Variants in EXOC4 observed in about 807,000 individuals in gnomAD.
EXOC4 encodes the protein SEC8-like 1.
EXOC4 carries 71 observed loss-of-function variants against 107.2 expected under a neutral mutation model. The observed-to-expected ratio is 0.66, with a 90% confidence interval of 0.55 to 0.81. The LOEUF is 0.81. Among genes scored for constraint, EXOC4 ranks in the 30% least tolerant of loss-of-function variants. The probability of loss-of-function intolerance (pLI) is 0.00; values close to 1 mark genes in which losing one functional copy is unlikely to be tolerated. For missense variants in EXOC4, 1,108 were observed against 1,189.6 expected (o/e 0.93, Z 1.01); for synonymous variants, 456 against 441.2 (o/e 1.03, Z -0.42).
chr7:133,964,011 CTT>C (rs888314087), intron 14 of EXOC4, among the ~76,000 whole-genome samples: 1 of 152,104 alleles, frequency 6.6e-6, no homozygotes, highest in Admixed American at 6.5e-5. Flanking sequence ...AGGGACTTGT[CTT>C]ATATATTTTA....
At chr7:133,551,171 A>G (rs1318874946) in intron 9 of EXOC4, among the ~76,000 whole-genome samples, 1 of 152,152 alleles carries the variant, frequency 6.6e-6, no homozygotes, top group East Asian at 1.9e-4. Flanking sequence ...TTACCCAATC[A>G]GAATGATGGC....
intron 10 of EXOC4, among the ~76,000 whole-genome samples, chr7:133,734,678 G>A (rs1184411526): frequency 6.6e-6 from 1 of 151,958 alleles, no homozygotes; most frequent in African/African-American, 2.4e-5. Flanking sequence ...GCACTGACAT[G>A]ACATTCAAAG....
At chr7:133,764,552 G>A (rs543163823) in intron 10 of EXOC4, among the ~76,000 whole-genome samples, 1 of 152,114 alleles carries the variant, frequency 6.6e-6, no homozygotes, top group African/African-American at 2.4e-5. Flanking sequence ...TTGGTTTGAG[G>A]CGTTCAGTTC....
At chr7:133,963,953 G>A (rs932766556) in intron 14 of EXOC4, among the ~76,000 whole-genome samples, 1 of 152,162 alleles carries the variant, frequency 6.6e-6, no homozygotes, top group Admixed American at 6.5e-5. Context: ...GAAGAAAGGA[G>A]TAGTTCATCT....
At chr7:133,683,417 A>T (rs181435677) in intron 10 of EXOC4, among the ~76,000 whole-genome samples, 1 of 152,310 alleles carries the variant, frequency 6.6e-6, no homozygotes, top group African/African-American at 2.4e-5. Flanking sequence ...CTTGGGGCTC[A>T]GAATCTAACA....
At chr7:133,415,874 G>A (rs1797464153) in intron 7 of EXOC4, among the ~76,000 whole-genome samples, 1 of 152,102 alleles carries the variant, frequency 6.6e-6, no homozygotes, top group South Asian at 2.1e-4. Flanking sequence ...CATAATACAA[G>A]TTGCAGAAAT....
intron 10 of EXOC4, among the ~76,000 whole-genome samples, chr7:133,742,235 C>A (rs1269111944): frequency 6.6e-6 from 1 of 152,110 alleles, no homozygotes; most frequent in Non-Finnish European, 1.5e-5. Context: ...ACACTAACAC[C>A]ATTTTTAGGG....
chr7:133,390,062 C>G (rs1453650426), intron 7 of EXOC4, among the ~76,000 whole-genome samples: 1 of 152,108 alleles, frequency 6.6e-6, no homozygotes, highest in Non-Finnish European at 1.5e-5. Flanking sequence ...AAGATGAGAT[C>G]TGGGTGGGGA....
intron 7 of EXOC4, among the ~76,000 whole-genome samples, chr7:133,377,782 A>G (rs1306501465): frequency 6.6e-6 from 1 of 152,210 alleles, no homozygotes; most frequent in African/African-American, 2.4e-5. Flanking sequence ...AGAAAGACAC[A>G]TTGCCTACAA....
intron 14 of EXOC4, among the ~76,000 whole-genome samples, chr7:133,942,589 C>G (rs1449357518): frequency 6.6e-6 from 1 of 152,140 alleles, no homozygotes; most frequent in African/African-American, 2.4e-5. Flanking sequence ...AAATTAAGGT[C>G]TCAGGGTGGT....
intron 11 of EXOC4, among the ~76,000 whole-genome samples, chr7:133,855,720 T>C (rs1017063371): frequency 6.6e-6 from 1 of 152,190 alleles, no homozygotes; most frequent in Non-Finnish European, 1.5e-5. Flanking sequence ...CCACGATCCA[T>C]CTGCCAGTCA....
intron 9 of EXOC4, among the ~76,000 whole-genome samples, chr7:133,515,021 C>T (rs1262078600): frequency 6.6e-6 from 1 of 152,038 alleles, no homozygotes; most frequent in African/African-American, 2.4e-5. Flanking sequence ...AACTATTATT[C>T]TTAATATATT....
intron 10 of EXOC4, among the ~76,000 whole-genome samples, chr7:133,792,793 T>A (rs1796732093): frequency 6.6e-6 from 1 of 152,142 alleles, no homozygotes; most frequent in Non-Finnish European, 1.5e-5. Context: ...GAGACAATTT[T>A]AATGTTCTGA....
At position 133,509,094 on chromosome 7, in the gene EXOC4, C is replaced by G. The variant is rs529043865; in HGVS notation, c.1417+28956C>G. Among the ~76,000 whole-genome samples, 8 of 152,214 alleles carry G rather than the reference C, an allele frequency of 5.3e-5. No homozygotes were observed. The South Asian group carries it at 1.7e-3, about 32-fold the overall frequency. On this transcript the variant is annotated intron_variant, in intron 9 of 17. Coordinates refer to ENST00000253861, the MANE Select transcript of EXOC4 (RefSeq NM_021807.4). Reference sequence around the variant, plus strand: ...TAAGGTGGCAGTGTTTCCAGTGATACATTTCTCAGTGTTTTCTGCAGTTGG... The same window carrying G: ...TAAGGTGGCAGTGTTTCCAGTGATAGATTTCTCAGTGTTTTCTGCAGTTGG...
chr7:133,903,025 G>A (rs1194542478), intron 12 of EXOC4, among the ~76,000 whole-genome samples: 3 of 152,208 alleles, frequency 2.0e-5, no homozygotes, highest in Non-Finnish European at 4.4e-5. Flanking sequence ...GCTCCAAGGA[G>A]TTGAAAGAGT....
At chr7:134,018,055 G>A (rs1206526638) in intron 17 of EXOC4, among the ~76,000 whole-genome samples, 1 of 152,094 alleles carries the variant, frequency 6.6e-6, no homozygotes, top group African/African-American at 2.4e-5. Flanking sequence ...ATCTGTCATC[G>A]AATCCTGCTG....
At chr7:133,487,894 CA>C (rs1280181727) in intron 9 of EXOC4, among the ~76,000 whole-genome samples, 1 of 152,072 alleles carries the variant, frequency 6.6e-6, no homozygotes. Context: ...TCTTATTAGA[CA>C]TTTTTTAGGC....
intron 11 of EXOC4, among the ~76,000 whole-genome samples, chr7:133,873,652 GTT>G (rs1385100375): frequency 6.6e-6 from 1 of 152,088 alleles, no homozygotes; most frequent in Non-Finnish European, 1.5e-5. Flanking sequence ...GCTTTGTTTT[GTT>G]TTAAACATTC....
At chr7:133,540,610 C>CAT (rs1388465958) in intron 9 of EXOC4, among the ~76,000 whole-genome samples, 5 of 152,116 alleles carry the variant, frequency 3.3e-5, no homozygotes, top group Admixed American at 6.5e-5. Context: ...AAGCTCTTTG[C>CAT]ATATATATAT....
Sources: allele counts gnomAD v4.1 joint callset (sites outside exome capture counted in the v4.1 genomes callset), GRCh38; gene constraint gnomAD v4.1.1; transcripts MANE v1.5; gene names NCBI Gene and HGNC (gene_info 2026-07-23, HGNC 2026-07-21).